The following ADCY8 variants were observed in gnomAD, a reference collection of about 807,000 sequenced individuals.
ADCY8 encodes adenylate cyclase 8.
Under a neutral mutation model 119.7 loss-of-function variants are expected in ADCY8, and 51 were observed. The ratio of observed to expected loss-of-function variants is 0.43; its 90% CI spans 0.34 to 0.54. The LOEUF (loss-of-function observed/expected upper bound fraction) is 0.54, where lower values mean the gene tolerates loss of function less well. ADCY8 is among the 20% of genes least tolerant of loss of function. ADCY8 has a pLI of 0.03. For synonymous variants in ADCY8, 665 were observed against 651.0 expected (o/e 1.02, Z -0.33); for missense variants, 1,383 against 1,598.8 (o/e 0.87, Z 2.30).
At chr8:131,005,263 T>C (rs1227683236) in intron 1 of ADCY8, among the ~76,000 whole-genome samples, 9 of 152,200 alleles carry the variant, frequency 5.9e-5, no homozygotes, top group Admixed American at 5.9e-4. Context: ...GGAAGCGCTG[T>C]CTACAAAATA....
intron 14 of ADCY8, among the ~76,000 whole-genome samples, chr8:130,805,371 G>A (rs1815914226): frequency 1.3e-5 from 2 of 152,170 alleles, no homozygotes; most frequent in South Asian, 4.1e-4. Flanking sequence ...AACAACAACA[G>A]CAGTAATAAT....
chr8:130,871,805 C>T (rs1236601319), intron 8 of ADCY8, among the ~76,000 whole-genome samples: 1 of 152,042 alleles, frequency 6.6e-6, no homozygotes. Flanking sequence ...CTCATTATTC[C>T]CCTTGCTTCT....
At chr8:130,807,921 T>C (rs1816021771) in intron 14 of ADCY8, among the ~76,000 whole-genome samples, 1 of 119,192 alleles carries the variant, frequency 8.4e-6, no homozygotes, top group African/African-American at 3.1e-5. Flanking sequence ...GAGGCGGAGC[T>C]TGCAGTGAGC....
rs551993419 is a variant in ADCY8 at position 131,039,675 on chromosome 8, G to A, written c.659C>T (p.Thr220Ile). The A allele has an allele frequency of 1.2e-6, 2 of 1,614,148 alleles. No individual in the cohort carries two copies. The highest frequency in any genetic ancestry group is 2.2e-5 in the South Asian group (2 of 91,086). Residue 220 changes from threonine to isoleucine, a missense_variant, in exon 1 of 18, where the codon ACC (threonine) becomes ATC (isoleucine). Thr to Ile is a moderately conservative substitution (Grantham distance 89). Around this residue, in one of 2 missense-constraint regions of ADCY8, gnomAD observed 455 missense variants for 435.3 expected, o/e 1.05. Coordinates refer to ENST00000286355, the MANE Select transcript of ADCY8 (RefSeq NM_001115.3). ...GGCGCAGATCACTACCTCAATGCCG[G>A]TGAAGAAGCCCAGCAGGATGCCCTT... is the stretch of plus-strand genomic sequence containing the variant. ...PLKGILLGFF[T>I]GIEVVICALV...
rs1049524068 is a variant in ADCY8 at position 131,040,879 on chromosome 8, C to T, written c.-546G>A. On this transcript the variant is annotated 5_prime_UTR_variant, in exon 1 of 18. Transcript: ENST00000286355. ...AGTTAGCAGATGTGGCTGGAATCAT[C>T]GCCCTTCGGAGAACTCCATTGCGCC... The T allele has an allele frequency of 1.3e-5, 2 of 152,318 alleles. No individual in the cohort carries two copies. The highest frequency in any genetic ancestry group is 2.9e-5 in the Non-Finnish European group (2 of 68,148). 9.4% of individuals were successfully genotyped at this position (152,318 alleles called of 1,614,324 possible).
intron 5 of ADCY8, among the ~76,000 whole-genome samples, chr8:130,914,812 TCTC>T (rs1820079039): frequency 6.6e-6 from 1 of 152,202 alleles, no homozygotes; most frequent in Admixed American, 6.5e-5. Context: ...TTCTCTTTCT[TCTC>T]TAGACACTCG....
At chr8:130,886,871 G>A (rs969961670) in intron 7 of ADCY8, among the ~76,000 whole-genome samples, 1 of 152,068 alleles carries the variant, frequency 6.6e-6, no homozygotes, top group African/African-American at 2.4e-5. Flanking sequence ...TCACAGAGGA[G>A]AGAAGTTTCA....
At chr8:130,847,706 TA>T (rs1487313725) in intron 10 of ADCY8, among the ~76,000 whole-genome samples, 193 bp from the exon 11 acceptor site, 1 of 152,080 alleles carries the variant, frequency 6.6e-6, no homozygotes, top group Non-Finnish European at 1.5e-5. Flanking sequence ...TTCTTTTATT[TA>T]AAAAACAAGT....
intron 1 of ADCY8, among the ~76,000 whole-genome samples, chr8:130,991,393 G>A (rs1407437858): frequency 6.6e-6 from 1 of 152,170 alleles, no homozygotes; most frequent in African/African-American, 2.4e-5. Flanking sequence ...GGTGGGAGGA[G>A]AATTCCAAAA....
At chr8:131,032,832 C>G (rs182638053) in intron 1 of ADCY8, among the ~76,000 whole-genome samples, 2 of 152,274 alleles carry the variant, frequency 1.3e-5, no homozygotes, top group African/African-American at 4.8e-5. Context: ...CTAGCTTTCC[C>G]TGCTCTGTTG....
intron 1 of ADCY8, among the ~76,000 whole-genome samples, chr8:130,995,614 C>A (rs563364442): frequency 9.9e-5 from 15 of 152,146 alleles, no homozygotes; most frequent in Admixed American, 9.2e-4. Flanking sequence ...AGATTTTTAT[C>A]ATTTCTGGGA....
chr8:130,850,573 T>C (rs263240), intron 9 of ADCY8, among the ~76,000 whole-genome samples: 77,995 of 151,966 alleles, frequency 0.51, 20,761 homozygotes, highest in South Asian at 0.67. Flanking sequence ...CCATTCATGT[T>C]CTACACTGGC....
intron 8 of ADCY8, among the ~76,000 whole-genome samples, chr8:130,869,519 T>G (rs13281814): frequency 5.9e-3 from 203 of 34,616 alleles, no homozygotes; most frequent in African/African-American, 0.023. Context: ...TTTTTTTTTG[T>G]TTTTTTGTTT....
rs183048596 is a variant in ADCY8, at chr8:130,838,515, G to T, written c.2503-2066C>A. On this transcript the variant is annotated intron_variant, in intron 11 of 17. Coordinates refer to ENST00000286355, the MANE Select transcript of ADCY8 (RefSeq NM_001115.3). The stretch of plus-strand genomic sequence containing the variant: ...TTTTCTGCTCCAGAGAAACTCTAAG[G>T]CCCTCCAGTTTGACAAAGGCCAAAG... 2.1e-4 allele frequency among the ~76,000 whole-genome samples: 20 copies of T among 96,238 alleles called. 3 individuals are homozygous for T. The highest frequency in any genetic ancestry group is 1.8e-3 in the Admixed American group (16 of 9,106). 63.1% of individuals were successfully genotyped at this position (96,238 alleles called of 152,430 possible).
At chr8:130,811,383 G>A (rs1484200200) in intron 14 of ADCY8, among the ~76,000 whole-genome samples, 1 of 152,142 alleles carries the variant, frequency 6.6e-6, no homozygotes, top group Non-Finnish European at 1.5e-5. Flanking sequence ...AAATGGCAGG[G>A]TACAGATGGG....
intron 2 of ADCY8, among the ~76,000 whole-genome samples, chr8:130,964,532 A>G (rs1821703625): frequency 6.6e-6 from 1 of 152,222 alleles, no homozygotes; most frequent in South Asian, 2.1e-4. Flanking sequence ...AAGACTTTGT[A>G]ATGCTGAGCA....
At chr8:130,852,856 C>G (rs547485212) in intron 9 of ADCY8, among the ~76,000 whole-genome samples, 1 of 152,302 alleles carries the variant, frequency 6.6e-6, no homozygotes, top group East Asian at 1.9e-4. Context: ...CCTGTTATTC[C>G]TGCAAGGCTC....
At chr8:130,937,028 G>A (rs374444271) in intron 5 of ADCY8, 45 bp downstream of exon 5, 60 of 1,574,356 alleles carry the variant, frequency 3.8e-5, no homozygotes, top group South Asian at 2.9e-4. Context: ...GCCTGTGATC[G>A]TGCACATTGA....
At chr8:130,959,742 C>T (rs1235223754) in intron 2 of ADCY8, among the ~76,000 whole-genome samples, 1 of 152,134 alleles carries the variant, frequency 6.6e-6, no homozygotes, top group Non-Finnish European at 1.5e-5. Context: ...TGTGGAATAC[C>T]ATTCTAACAG....
Sources: allele counts gnomAD v4.1 joint callset (sites outside exome capture counted in the v4.1 genomes callset), GRCh38; gene constraint gnomAD v4.1.1; regional missense constraint gnomAD v4.1.1; transcripts MANE v1.5; gene names NCBI Gene and HGNC (gene_info 2026-07-23, HGNC 2026-07-21).